Variants in WWOX observed in about 807,000 individuals in gnomAD.
WWOX encodes the protein WW domain containing oxidoreductase, also known as WW domain-containing oxidoreductase.
Under a neutral mutation model 46.2 loss-of-function variants are expected in WWOX, and 69 were observed. That is an observed-to-expected ratio of 1.49 (90% CI 1.23 to 1.82). The LOEUF is 1.82. WWOX is among the 40% of genes most tolerant of loss of function. WWOX has a pLI of 0.00. For missense variants in WWOX, 919 were observed against 542.6 expected (o/e 1.69, Z -6.89); for synonymous variants, 359 against 202.6 (o/e 1.77, Z -6.56).
rs575031603 is a variant in WWOX at position 78,572,889 on chromosome 16, T to G, written c.1056+140137T>G. ...AAATGAGTGACAGGTACCTAGGTAG[T>G]CATTCTATATGTTATTAAAGTGTAC... On this transcript the variant is annotated intron_variant, in intron 8 of 8. Coordinates refer to ENST00000566780, the MANE Select transcript of WWOX (RefSeq NM_016373.4). Among the ~76,000 whole-genome samples the G allele has an allele frequency of 4.6e-5, 7 of 152,306 alleles. No homozygotes were observed. The East Asian group carries it at 1.4e-3, about 29-fold the overall frequency.
intron 8 of WWOX, among the ~76,000 whole-genome samples, chr16:78,832,824 A>G (rs1479634317): frequency 1.3e-5 from 2 of 152,034 alleles, no homozygotes; most frequent in Non-Finnish European, 2.9e-5. Flanking sequence ...TCATTACAGA[A>G]CTTCCCCCAA....
chr16:78,808,275 A>C (rs2051095285), intron 8 of WWOX, among the ~76,000 whole-genome samples: 1 of 152,174 alleles, frequency 6.6e-6, no homozygotes, highest in Non-Finnish European at 1.5e-5. Context: ...ACCCCTTTGG[A>C]CTATGGATCC....
intron 5 of WWOX, among the ~76,000 whole-genome samples, chr16:78,306,072 C>T (rs186389966): frequency 6.6e-6 from 1 of 152,128 alleles, no homozygotes; most frequent in Admixed American, 6.5e-5. Context: ...CCACAGAGAC[C>T]ATGTGGAGAA....
chr16:78,323,417 T>G (rs761716416), intron 5 of WWOX, among the ~76,000 whole-genome samples: 1 of 152,188 alleles, frequency 6.6e-6, no homozygotes, highest in Non-Finnish European at 1.5e-5. Context: ...GGATCTTGTA[T>G]TAATAGTAGG....
chr16:78,683,455 A>G (rs2047778064), intron 8 of WWOX, among the ~76,000 whole-genome samples: 1 of 152,022 alleles, frequency 6.6e-6, no homozygotes, highest in Non-Finnish European at 1.5e-5. Flanking sequence ...CACTAGTATC[A>G]CTTGAACCGG....
At chr16:78,515,967 GTCTC>G (rs1368686026) in intron 8 of WWOX, among the ~76,000 whole-genome samples, 3 of 152,132 alleles carry the variant, frequency 2.0e-5, no homozygotes, top group African/African-American at 7.2e-5. Flanking sequence ...CAATCAATCA[GTCTC>G]TCTCCTTCCA....
intron 5 of WWOX, among the ~76,000 whole-genome samples, chr16:78,193,723 C>G (rs901423505): frequency 2.6e-5 from 4 of 151,988 alleles, no homozygotes; most frequent in Admixed American, 2.0e-4. Context: ...GAAGGGTAGA[C>G]TTAGCCAAAA....
At chr16:78,477,303 A>G (rs1300693059) in intron 8 of WWOX, among the ~76,000 whole-genome samples, 1 of 152,186 alleles carries the variant, frequency 6.6e-6, no homozygotes, top group Non-Finnish European at 1.5e-5. Context: ...GTAAGCAGTA[A>G]CCGCATATAA....
chr16:79,018,926 G>A (rs1048489220), intron 8 of WWOX, among the ~76,000 whole-genome samples: 10 of 151,882 alleles, frequency 6.6e-5, no homozygotes, highest in African/African-American at 9.7e-5. Context: ...TAAGGTGGGC[G>A]GATCGCTTGA....
At chr16:79,008,501 G>A (rs550828353) in intron 8 of WWOX, among the ~76,000 whole-genome samples, 3 of 152,254 alleles carry the variant, frequency 2.0e-5, no homozygotes, top group African/African-American at 7.2e-5. Context: ...ACTCAAGAGA[G>A]GGGATTCTAT....
intron 8 of WWOX, among the ~76,000 whole-genome samples, chr16:78,874,898 C>A (rs1413467447): frequency 6.6e-6 from 1 of 151,948 alleles, no homozygotes; most frequent in African/African-American, 2.4e-5. Context: ...CCAAGAGCTC[C>A]CCTTCAAGCA....
chr16:78,190,686 G>A (rs889033271), intron 5 of WWOX, among the ~76,000 whole-genome samples: 1 of 152,128 alleles, frequency 6.6e-6, no homozygotes, highest in Non-Finnish European at 1.5e-5. Context: ...AAGTGTATTG[G>A]ATTTCAGAGT....
chr16:79,180,896 C>T (rs901384721), intron 8 of WWOX, among the ~76,000 whole-genome samples: 2 of 152,188 alleles, frequency 1.3e-5, no homozygotes, highest in Non-Finnish European at 2.9e-5. Context: ...TTAATAATAA[C>T]CACTGCTACA....
At chr16:78,577,724 C>G (rs1488090517) in intron 8 of WWOX, among the ~76,000 whole-genome samples, 2 of 152,200 alleles carry the variant, frequency 1.3e-5, no homozygotes, top group African/African-American at 4.8e-5. Flanking sequence ...TGTGTTGACA[C>G]TCTATTTGAC....
At chr16:78,864,067 A>T (rs1176776340) in intron 8 of WWOX, among the ~76,000 whole-genome samples, 1 of 152,116 alleles carries the variant, frequency 6.6e-6, no homozygotes, top group Non-Finnish European at 1.5e-5. Flanking sequence ...ATTTCTGTGT[A>T]AGTTTTTGTT....
chr16:78,575,518 C>A (rs991635076), intron 8 of WWOX, among the ~76,000 whole-genome samples: 12 of 152,008 alleles, frequency 7.9e-5, no homozygotes, highest in African/African-American at 2.9e-4. Context: ...TCTGATTTCA[C>A]CCCATCCTAA....
chr16:78,277,915 A>G (rs1289024296), intron 5 of WWOX, among the ~76,000 whole-genome samples: 1 of 152,208 alleles, frequency 6.6e-6, no homozygotes, highest in Non-Finnish European at 1.5e-5. Context: ...GAAATTTTTG[A>G]ACATGGAATT....
intron 8 of WWOX, among the ~76,000 whole-genome samples, chr16:79,100,406 C>G (rs565317420): frequency 6.6e-6 from 1 of 152,090 alleles, no homozygotes; most frequent in Non-Finnish European, 1.5e-5. Flanking sequence ...TAAGCCAATA[C>G]GAGATGGGTT....
At chr16:78,286,717 C>A (rs1206378519) in intron 5 of WWOX, among the ~76,000 whole-genome samples, 1 of 151,912 alleles carries the variant, frequency 6.6e-6, no homozygotes, top group East Asian at 1.9e-4. Flanking sequence ...AAATAAAATA[C>A]AATGAATCCA....
Sources: allele counts gnomAD v4.1 joint callset (sites outside exome capture counted in the v4.1 genomes callset), GRCh38; gene constraint gnomAD v4.1.1; transcripts MANE v1.5; gene names NCBI Gene and HGNC (gene_info 2026-07-23, HGNC 2026-07-21).